The following CEP112 variants were observed in gnomAD, a reference collection of about 807,000 sequenced individuals.
CEP112 encodes the protein centrosomal protein 112, also known as centrosomal protein of 112 kDa.
Under a neutral mutation model 153.0 loss-of-function variants are expected in CEP112, and 127 were observed. The observed-to-expected ratio is 0.83, with a 90% CI of 0.72 to 0.96. The LOEUF (loss-of-function observed/expected upper bound fraction) is 0.96. CEP112 is among the 40% of genes least tolerant of loss of function. The probability of loss-of-function intolerance (pLI) is 0.00; values close to 1 mark genes in which losing one functional copy is unlikely to be tolerated. For missense variants in CEP112, 1,089 were observed against 1,101.2 expected, an observed-to-expected ratio of 0.99 and a Z score of 0.16; for synonymous variants, 358 against 374.4, an observed-to-expected ratio of 0.96 and a Z score of 0.51.
intron 23 of CEP112, among the ~76,000 whole-genome samples, chr17:65,708,051 C>T (rs1450842153): frequency 3.9e-5 from 6 of 152,290 alleles, no homozygotes; most frequent in South Asian, 4.1e-4. Flanking sequence ...GTAACTAAAA[C>T]GCTAAGGTTA....
At chr17:65,783,074 A>T (rs2054088184) in intron 21 of CEP112, among the ~76,000 whole-genome samples, 1 of 151,212 alleles carries the variant, frequency 6.6e-6, no homozygotes, top group Non-Finnish European at 1.5e-5. Flanking sequence ...CTTTTCAAGA[A>T]AATATTTAAA....
chr17:65,949,796 T>C (rs1052368055), intron 18 of CEP112, among the ~76,000 whole-genome samples: 2 of 152,160 alleles, frequency 1.3e-5, no homozygotes, highest in African/African-American at 4.8e-5. Flanking sequence ...TGGCTATCCT[T>C]ATCTGGTAAC....
At chr17:65,926,528 C>T (rs7207434) in intron 19 of CEP112, among the ~76,000 whole-genome samples, 5,639 of 152,038 alleles carry the variant, frequency 0.037, 316 homozygotes, top group African/African-American at 0.12. Flanking sequence ...GCCTGGCCAA[C>T]ATGGTGAAAC....
chr17:66,034,974 A>ATGTGTGTGTGTG (rs1568411223), intron 12 of CEP112, among the ~76,000 whole-genome samples: 2 of 36,606 alleles, frequency 5.5e-5, no homozygotes, highest in Admixed American at 5.4e-4. Context: ...AAGTTTTTGC[A>ATGTGTGTGTGTG]TGTATATATA....
chr17:65,731,403 T>C (rs1248193158), intron 23 of CEP112, among the ~76,000 whole-genome samples: 1 of 152,214 alleles, frequency 6.6e-6, no homozygotes, highest in African/African-American at 2.4e-5. Flanking sequence ...TAAAACTTTC[T>C]TATTGCTAAG....
chr17:65,739,163 A>C (rs1208609217), intron 23 of CEP112, among the ~76,000 whole-genome samples: 1 of 152,250 alleles, frequency 6.6e-6, no homozygotes, highest in Non-Finnish European at 1.5e-5. Flanking sequence ...TTCCAACCCC[A>C]GCCAAGCTTT....
At chr17:65,855,162 G>A (rs2058084460) in intron 20 of CEP112, among the ~76,000 whole-genome samples, 1 of 152,120 alleles carries the variant, frequency 6.6e-6, no homozygotes, top group Non-Finnish European at 1.5e-5. Flanking sequence ...GCCTGGGGAA[G>A]AAAATAATAG....
At chr17:65,730,574 G>A (rs1016821372) in intron 23 of CEP112, among the ~76,000 whole-genome samples, 2 of 152,152 alleles carry the variant, frequency 1.3e-5, no homozygotes, top group African/African-American at 4.8e-5. Flanking sequence ...GCATACAGGG[G>A]AGACAGGAAT....
intron 23 of CEP112, among the ~76,000 whole-genome samples, chr17:65,721,971 T>A (rs548932221): frequency 7.9e-4 from 121 of 152,294 alleles, no homozygotes; most frequent in Middle Eastern, 3.4e-3. Flanking sequence ...TCTGCTTGAA[T>A]TGCAAGGAAC....
At chr17:65,878,168 G>A (rs1196472183) in intron 20 of CEP112, among the ~76,000 whole-genome samples, 3 of 152,036 alleles carry the variant, frequency 2.0e-5, no homozygotes, top group African/African-American at 7.2e-5. Flanking sequence ...TGTTATGAGG[G>A]TAGATCTTAC....
At chr17:65,983,450 A>G (rs9893252) in intron 17 of CEP112, among the ~76,000 whole-genome samples, 79,143 of 152,024 alleles carry the variant, frequency 0.52, 21,616 homozygotes, top group African/African-American at 0.6. Context: ...TGACCTTCCA[A>G]TGTTGGAGGT....
chr17:65,907,641 C>T (rs1439556120), intron 19 of CEP112, among the ~76,000 whole-genome samples: 1 of 152,170 alleles, frequency 6.6e-6, no homozygotes, highest in African/African-American at 2.4e-5. Flanking sequence ...AGGGTGTCTT[C>T]TCCAGATAAA....
chr17:66,183,391 T>C, intron 1 of CEP112, 84 bp from the exon 2 acceptor site: 1 of 901,764 alleles, frequency 1.1e-6, no homozygotes, highest in East Asian at 2.6e-5. Flanking sequence ...AAAAAACTCT[T>C]AAGTGTTAGA....
In CEP112 at chr17:66,184,515, G is replaced by A. The variant is rs1036727848; in HGVS notation, c.-8-1208C>T. Reference sequence around the variant, plus strand: ...AAATACAGATGGCAAGTAAGCACATGACAAGATGCTCAATATCATTACAGA... The same window carrying A: ...AAATACAGATGGCAAGTAAGCACATAACAAGATGCTCAATATCATTACAGA... On this transcript the variant is annotated intron_variant, in intron 1 of 26. Transcript: ENST00000535342. Among the ~76,000 whole-genome samples the A allele has an allele frequency of 2.6e-5, 4 of 152,148 alleles. No homozygotes were observed. In the South Asian group the frequency reaches 8.3e-4, roughly 32 times the overall value.
chr17:65,830,134 G>C (rs56228164), intron 21 of CEP112, among the ~76,000 whole-genome samples: 1 of 152,192 alleles, frequency 6.6e-6, no homozygotes. Flanking sequence ...TACAGGCAAA[G>C]ACTGGGAGTG....
intron 6 of CEP112, among the ~76,000 whole-genome samples, chr17:66,098,530 T>A (rs2068438872): frequency 6.6e-6 from 1 of 151,996 alleles, no homozygotes; most frequent in African/African-American, 2.4e-5. Context: ...AATCAATTAA[T>A]CAAAAAATGT....
At chr17:65,799,198 G>A (rs1050444769) in intron 21 of CEP112, among the ~76,000 whole-genome samples, 8 of 152,144 alleles carry the variant, frequency 5.3e-5, no homozygotes, top group Admixed American at 1.3e-4. Flanking sequence ...TGAATAAGGT[G>A]TATTTTCTTT....
intron 21 of CEP112, among the ~76,000 whole-genome samples, chr17:65,761,468 T>C (rs1363219084): frequency 6.6e-6 from 1 of 152,054 alleles, no homozygotes; most frequent in Non-Finnish European, 1.5e-5. Context: ...CTCTTCTTTT[T>C]CTTGTTTCCC....
intron 24 of CEP112, among the ~76,000 whole-genome samples, chr17:65,662,869 T>C (rs2046462935): frequency 6.6e-6 from 1 of 152,160 alleles, no homozygotes; most frequent in South Asian, 2.1e-4. Flanking sequence ...CTTTTCTTAT[T>C]CAAATAGAGT....
Sources: allele counts gnomAD v4.1 joint callset (sites outside exome capture counted in the v4.1 genomes callset), GRCh38; gene constraint gnomAD v4.1.1; transcripts MANE v1.5; gene names NCBI Gene and HGNC (gene_info 2026-07-23, HGNC 2026-07-21).